Variants in HBS1L observed in about 807,000 individuals in gnomAD.
HBS1L encodes the protein HBS1-like protein.
Under a neutral mutation model 88.9 loss-of-function variants are expected in HBS1L, and 55 were observed. The observed-to-expected ratio is 0.62, with a 90% CI of 0.50 to 0.77. HBS1L has a LOEUF of 0.77. Among genes scored for constraint, HBS1L ranks in the 30% least tolerant of loss-of-function variants. The pLI, the probability that HBS1L is intolerant of heterozygous loss-of-function variation, is 0.00. For missense variants in HBS1L, 741 were observed against 829.3 expected (o/e 0.89, Z 1.31); for synonymous variants, 267 against 288.5 (o/e 0.93, Z 0.76).
chr6:134,987,472 T>C (rs1411491632), intron 9 of HBS1L, among the ~76,000 whole-genome samples, 173 bp downstream of exon 9: 1 of 152,176 alleles, frequency 6.6e-6, no homozygotes, highest in Non-Finnish European at 1.5e-5. Context: ...AGACATTTTC[T>C]TACTTAAAAA....
chr6:135,050,579 C>T lies in HBS1L; in HGVS notation c.109+3G>A, dbSNP rs765061612. On this transcript the variant is annotated splice_donor_region_variant and intron_variant, in intron 2 of 17. Coordinates refer to ENST00000367837, the MANE Select transcript of HBS1L (RefSeq NM_006620.4). ...AGGAATCAAATTATTTTTAAAAATT[C>T]ACCTGTTGACGGCGAAATACAATAA... The T allele has an allele frequency of 6.3e-7, 1 of 1,576,296 alleles. No individual in the cohort carries two copies.
chr6:134,985,544 C>A, intron 11 of HBS1L, 135 bp from the exon 12 acceptor site: 1 of 541,650 alleles, frequency 1.8e-6, no homozygotes, highest in South Asian at 3.1e-5. Context: ...ACTTAACTGT[C>A]ACTAATATAC....
chr6:135,012,474 C>A (rs929001915), intron 4 of HBS1L, among the ~76,000 whole-genome samples: 1 of 152,030 alleles, frequency 6.6e-6, no homozygotes, highest in Non-Finnish European at 1.5e-5. Flanking sequence ...ATGACTTGTG[C>A]CTGTAGTATC....
At chr6:135,025,666 A>T (rs1445448859) in intron 4 of HBS1L, among the ~76,000 whole-genome samples, 1 of 152,210 alleles carries the variant, frequency 6.6e-6, no homozygotes, top group Non-Finnish European at 1.5e-5. Context: ...ATATTCAAAG[A>T]GGGCATGACA....
chr6:135,027,187 C>CAAAAAAAAAAAAAAAAA (rs71006749), intron 4 of HBS1L: 26 of 56,270 alleles, frequency 4.6e-4, no homozygotes, highest in African/African-American at 1.2e-3. Context: ...GACTCTATCT[C>CAAAAAAAAAAAAAAAAA]AAAAAAAAAA....
chr6:134,995,037 G>A (rs1775252373), intron 7 of HBS1L, among the ~76,000 whole-genome samples: 1 of 152,022 alleles, frequency 6.6e-6, no homozygotes, highest in Non-Finnish European at 1.5e-5. Flanking sequence ...CTGAAAGCAT[G>A]GGCCATCCTA....
intron 4 of HBS1L, among the ~76,000 whole-genome samples, chr6:135,033,633 T>C (rs1776449764): frequency 1.3e-5 from 2 of 152,172 alleles, no homozygotes. Flanking sequence ...ATCTCATACC[T>C]AGTAGTTACA....
intron 4 of HBS1L, among the ~76,000 whole-genome samples, chr6:135,024,206 C>T (rs1249362092): frequency 2.1e-4 from 32 of 151,984 alleles, no homozygotes; most frequent in African/African-American, 7.2e-4. Flanking sequence ...TTTGGGAGGC[C>T]GAGGCGGGCG....
chr6:134,997,600 A>G lies in HBS1L; in HGVS notation c.596T>C (p.Ile199Thr), dbSNP rs770332026. Residue 199 changes from isoleucine (I) to threonine (T), a missense_variant, in exon 6 of 18, where the codon ATT becomes ACT. Physicochemically the swap from Ile to Thr is moderately conservative, Grantham distance 89. Coordinates refer to ENST00000367837, the MANE Select transcript of HBS1L (RefSeq NM_006620.4). ...ATCGGAAGAAGCAATGGCATCTTCA[A>G]TGGGCGGTCCTTTTTGAGGTGTGTG... Reference protein sequence around the residue: ...SFHTPQKGPPIEDAIASSDVL... With the variant: ...SFHTPQKGPPTEDAIASSDVL... 22 of 1,613,740 alleles carry G rather than the reference A, an allele frequency of 1.4e-5. No homozygotes were observed. In the South Asian group the frequency reaches 2.1e-4, roughly 15 times the overall value.
chr6:134,994,262 T>C (rs934248321), intron 7 of HBS1L, among the ~76,000 whole-genome samples: 3 of 151,838 alleles, frequency 2.0e-5, no homozygotes, highest in African/African-American at 7.3e-5. Flanking sequence ...TTTCTTCACG[T>C]TCTACACTTA....
intron 4 of HBS1L, chr6:135,037,404 TAAAG>T (rs1464060112): frequency 6.5e-7 from 1 of 1,549,220 alleles, no homozygotes; most frequent in Non-Finnish European, 8.7e-7. Context: ...TTTGTTCAAC[TAAAG>T]AAACATTTCC....
At chr6:135,018,972 G>A (rs1775998392) in intron 4 of HBS1L, among the ~76,000 whole-genome samples, 1 of 151,720 alleles carries the variant, frequency 6.6e-6, no homozygotes, top group Non-Finnish European at 1.5e-5. Flanking sequence ...TTATTTATAA[G>A]CAAAGCTAGG....
At chr6:135,004,791 T>C (rs561649004) in intron 4 of HBS1L, among the ~76,000 whole-genome samples, 6 of 152,256 alleles carry the variant, frequency 3.9e-5, no homozygotes, top group East Asian at 1.9e-4. Flanking sequence ...AAATAGGCAG[T>C]TGAACATGTT....
intron 15 of HBS1L, among the ~76,000 whole-genome samples, chr6:134,973,728 C>T (rs1464264899): frequency 1.3e-5 from 2 of 151,722 alleles, no homozygotes; most frequent in Non-Finnish European, 1.5e-5. Flanking sequence ...GAGGCAGTTC[C>T]GGGAGGCTGA....
intron 10 of HBS1L, 31 bp downstream of exon 10, chr6:134,986,705 G>C (rs750191056): frequency 3.9e-6 from 5 of 1,266,854 alleles, no homozygotes; most frequent in Non-Finnish European, 5.5e-6. Flanking sequence ...CTTAAGGAAA[G>C]TAATAACAAA....
At position 134,962,768 on chromosome 6, in the gene HBS1L, A is replaced by T. The variant is rs1179583460; in HGVS notation, c.*2511T>A. 1 of 152,214 alleles carries T rather than the reference A, an allele frequency of 6.6e-6. No individual in the cohort carries two copies. The highest frequency in any genetic ancestry group is 1.5e-5 in the Non-Finnish European group (1 of 68,044). 9.4% of individuals were successfully genotyped at this position (152,214 alleles called of 1,614,324 possible). ...GACAAGAAATACCTGAAGCAAAATGACACAAAATGGATGTACTATAAATTA... is the reference window on the plus strand; with the variant it reads ...GACAAGAAATACCTGAAGCAAAATGTCACAAAATGGATGTACTATAAATTA... On this transcript the variant is annotated 3_prime_UTR_variant, in exon 18 of 18. Transcript: ENST00000367837.
chr6:134,973,075 A>G (rs1174120945), intron 15 of HBS1L, among the ~76,000 whole-genome samples: 1 of 152,242 alleles, frequency 6.6e-6, no homozygotes, highest in African/African-American at 2.4e-5. Flanking sequence ...CATATGATCC[A>G]GCAATTCCAC....
chr6:134,988,184 T>C (rs975897801), intron 8 of HBS1L, among the ~76,000 whole-genome samples: 1 of 151,642 alleles, frequency 6.6e-6, no homozygotes, highest in African/African-American at 2.4e-5. Flanking sequence ...GCCAATATGG[T>C]GAAACCCCAT....
chr6:135,052,557 A>G (rs1777119596), intron 1 of HBS1L, among the ~76,000 whole-genome samples: 1 of 150,694 alleles, frequency 6.6e-6, no homozygotes, highest in Non-Finnish European at 1.5e-5. Flanking sequence ...CAGCTTGGCC[A>G]ACCAACAAAG....
Sources: allele counts gnomAD v4.1 joint callset (sites outside exome capture counted in the v4.1 genomes callset), GRCh38; gene constraint gnomAD v4.1.1; transcripts MANE v1.5; gene names NCBI Gene and HGNC (gene_info 2026-07-23, HGNC 2026-07-21).